Variants in PIK3R1 observed in about 807,000 individuals in gnomAD.
PIK3R1 encodes phosphatidylinositol 3-kinase regulatory subunit alpha.
PIK3R1 carries 29 observed loss-of-function variants against 98.0 expected under a neutral mutation model. The ratio of observed to expected loss-of-function variants is 0.30; its 90% confidence interval spans 0.22 to 0.40. The LOEUF is 0.40. PIK3R1 is among the 10% of genes least tolerant of loss of function. The pLI is 1.00. For synonymous variants in PIK3R1, 282 were observed against 311.8 expected (o/e 0.90, Z 1.01); for missense variants, 596 against 872.7 (o/e 0.68, Z 3.99).
intron 2 of PIK3R1, among the ~76,000 whole-genome samples, chr5:68,259,898 T>C (rs139714818): frequency 2.8e-4 from 42 of 152,332 alleles, no homozygotes; most frequent in Middle Eastern, 3.4e-3. Flanking sequence ...TCATCTCTTA[T>C]CAGTTAAATC....
At chr5:68,295,824 T>C (rs1446119514) in intron 14 of PIK3R1, 1 of 449,878 alleles carries the variant, frequency 2.2e-6, no homozygotes, top group African/African-American at 2.0e-5. Context: ...ATATACTTTG[T>C]TTGAATTAGT....
intron 2 of PIK3R1, among the ~76,000 whole-genome samples, chr5:68,269,189 A>G (rs1433680684): frequency 2.6e-5 from 4 of 152,128 alleles, no homozygotes; most frequent in African/African-American, 9.7e-5. Context: ...CCTAAGCAAT[A>G]CTGATTTCTT....
intron 4 of PIK3R1, among the ~76,000 whole-genome samples, chr5:68,278,145 G>A (rs978509034): frequency 3.3e-5 from 5 of 151,972 alleles, no homozygotes; most frequent in East Asian, 1.9e-4. Context: ...AGTGCCATGC[G>A]TAGTGAGTGC....
At chr5:68,263,268 TCTG>T (rs1261823252) in intron 2 of PIK3R1, among the ~76,000 whole-genome samples, 1 of 148,312 alleles carries the variant, frequency 6.7e-6, no homozygotes, top group Non-Finnish European at 1.5e-5. Flanking sequence ...ACATTTTAGT[TCTG>T]CTATATCTAT....
intron 7 of PIK3R1, chr5:68,290,891 C>G: frequency 1.8e-6 from 2 of 1,109,742 alleles, no homozygotes; most frequent in South Asian, 3.2e-5. Context: ...TTTAATTTTT[C>G]GAAAGCTACT....
chr5:68,223,619 G>A (rs765638420), intron 1 of PIK3R1, among the ~76,000 whole-genome samples: 4 of 152,176 alleles, frequency 2.6e-5, no homozygotes, highest in Admixed American at 6.5e-5. Flanking sequence ...TACCCACAAA[G>A]TAAGGTTCTT....
At position 68,301,392 on chromosome 5, in the gene PIK3R1, G is replaced by GTATATATATA. The variant is rs70987200; in HGVS notation, c.*3823_*3832dup. The GTATATATATA allele has an allele frequency of 8.8e-5, 4 of 45,306 alleles. No homozygotes were observed. Among genetic ancestry groups the GTATATATATA allele is most frequent in the Non-Finnish European group, 1.1e-4 (3 of 27,064 alleles). 2.8% of individuals were successfully genotyped at this position (45,306 alleles called of 1,614,324 possible). On this transcript the variant is annotated 3_prime_UTR_variant, in exon 16 of 16. Transcript: ENST00000521381. The stretch of plus-strand genomic sequence containing the variant: ...TGTGTGTGTGTGTGTGTGTGTGTGT[G>GTATATATATA]TATATATATATATATATATATATAT...
At chr5:68,277,312 A>G (rs1234611796) in intron 4 of PIK3R1, among the ~76,000 whole-genome samples, 1 of 152,224 alleles carries the variant, frequency 6.6e-6, no homozygotes, top group Non-Finnish European at 1.5e-5. Context: ...CCTTCAACGT[A>G]GATCCTTTAT....
At chr5:68,295,829 A>G (rs1561300533) in intron 14 of PIK3R1, 2 of 449,756 alleles carry the variant, frequency 4.4e-6, no homozygotes, top group Non-Finnish European at 8.0e-6. Flanking sequence ...CTTTGTTTGA[A>G]TTAGTCAAAA....
In PIK3R1 at chr5:68,299,132, A is replaced by T. The variant is rs988053327; in HGVS notation, c.*1531A>T. The T allele has an allele frequency of 8.6e-6, 2 of 233,476 alleles. No homozygotes were observed. The highest frequency in any genetic ancestry group is 1.7e-5 in the Non-Finnish European group (2 of 118,020). The allele number at this position is 233,476 out of a possible 1,614,324, so 14.5% of individuals were successfully genotyped here. On this transcript the variant is annotated 3_prime_UTR_variant, in exon 16 of 16. Transcript: ENST00000521381. ...CCAAGTTTGTTTTTGGGTTCCTGGA[A>T]CAGCGCTCACCTTTGTTTAGAACAC...
At chr5:68,236,556 C>A (rs78406223) in intron 2 of PIK3R1, among the ~76,000 whole-genome samples, 1 of 152,090 alleles carries the variant, frequency 6.6e-6, no homozygotes, top group African/African-American at 2.4e-5. Flanking sequence ...GCCCTATAAC[C>A]GTTTTTGAGA....
intron 2 of PIK3R1, among the ~76,000 whole-genome samples, chr5:68,234,763 GT>G (rs1744604194): frequency 6.6e-6 from 1 of 152,138 alleles, no homozygotes; most frequent in Non-Finnish European, 1.5e-5. Context: ...TATAACATTT[GT>G]TTATTCAGAC....
chr5:68,236,406 C>T (rs1310470696), intron 2 of PIK3R1, among the ~76,000 whole-genome samples: 2 of 151,322 alleles, frequency 1.3e-5, no homozygotes, highest in East Asian at 1.9e-4. Flanking sequence ...CCTGCCACCA[C>T]GCCCGTCTAA....
chr5:68,239,396 G>A (rs769979876), intron 2 of PIK3R1, among the ~76,000 whole-genome samples: 22 of 152,024 alleles, frequency 1.4e-4, no homozygotes, highest in Non-Finnish European at 2.6e-4. Context: ...ATGTATGTAC[G>A]TATATACACA....
intron 1 of PIK3R1, among the ~76,000 whole-genome samples, chr5:68,222,910 G>A (rs1008022791): frequency 6.6e-6 from 1 of 151,946 alleles, no homozygotes; most frequent in Non-Finnish European, 1.5e-5. Context: ...GTTCCTCTTC[G>A]CAATTGCTAA....
intron 2 of PIK3R1, among the ~76,000 whole-genome samples, chr5:68,236,527 G>C (rs953360587): frequency 3.3e-5 from 5 of 152,136 alleles, no homozygotes; most frequent in Non-Finnish European, 7.4e-5. Context: ...GGGATTGCAG[G>C]CATGAGCCAC....
chr5:68,224,012 G>A (rs1438708072), intron 1 of PIK3R1, among the ~76,000 whole-genome samples: 1 of 152,182 alleles, frequency 6.6e-6, no homozygotes, highest in Non-Finnish European at 1.5e-5. Context: ...TTAGGAAGCA[G>A]CTGGCATAAA....
intron 7 of PIK3R1, among the ~76,000 whole-genome samples, chr5:68,289,759 CA>C (rs71305021): frequency 0.028 from 1,427 of 51,818 alleles, 5 homozygotes; most frequent in African/African-American, 0.033. Flanking sequence ...GGGGGAAAAG[CA>C]AAAAAAAAAA....
At chr5:68,288,865 G>A (rs1251343908) in intron 7 of PIK3R1, 3 of 1,030,208 alleles carry the variant, frequency 2.9e-6, no homozygotes, top group Middle Eastern at 2.0e-4. Context: ...TGCCTGGGGA[G>A]GACAGATGGG....
Sources: gnomAD v4.1 joint callset for allele counts (sites outside exome capture counted in the v4.1 genomes callset) on GRCh38, gnomAD v4.1.1 for gene constraint, MANE v1.5 for transcripts, NCBI Gene and HGNC (gene_info 2026-07-23, HGNC 2026-07-21) for gene names.